ZMYM4: variants seen among roughly 807,000 people sequenced by gnomAD.
The protein encoded by ZMYM4 is zinc finger MYM-type protein 4.
ZMYM4 carries 31 observed loss-of-function variants against 183.2 expected under a neutral mutation model. The observed-to-expected ratio is 0.17, with a 90% CI of 0.13 to 0.23. ZMYM4 has a LOEUF of 0.23. Ranked by LOEUF, ZMYM4 falls within the 10% of genes least tolerant of loss-of-function variation. The pLI is 1.00. For synonymous variants in ZMYM4, 592 were observed against 631.2 expected (o/e 0.94, Z 0.93); for missense variants, 1,273 against 1,840.3 (o/e 0.69, Z 5.64).
At chr1:35,271,854 T>C (rs1056143458) in intron 1 of ZMYM4, among the ~76,000 whole-genome samples, 1 of 152,204 alleles carries the variant, frequency 6.6e-6, no homozygotes, top group Non-Finnish European at 1.5e-5. Context: ...GTCCTCGCTA[T>C]TCAGAGGTTG....
chr1:35,409,546 G>C (rs1473024368), intron 26 of ZMYM4, among the ~76,000 whole-genome samples: 1 of 151,446 alleles, frequency 6.6e-6, no homozygotes, highest in African/African-American at 2.4e-5. Flanking sequence ...ATCTTTTTGT[G>C]TACTTTTTGA....
intron 1 of ZMYM4, among the ~76,000 whole-genome samples, chr1:35,301,966 C>T (rs1449126040): frequency 6.6e-6 from 1 of 152,166 alleles, no homozygotes; most frequent in African/African-American, 2.4e-5. Flanking sequence ...TGCCTGTTCT[C>T]CAATGCCTGA....
rs550596273 is a variant in ZMYM4, at chr1:35,346,460, G to A, written c.86-12465G>A. ...GAGGTCAGGAGTTCGAGACCAGCTT[G>A]GCCAATGTGGTGAAACCCTGCCTGT... On this transcript the variant is annotated intron_variant, in intron 2 of 29. Coordinates refer to ENST00000314607, the MANE Select transcript of ZMYM4 (RefSeq NM_005095.3). Among the ~76,000 whole-genome samples, 3 of 152,114 alleles carry A rather than the reference G, an allele frequency of 2.0e-5. No individual in the cohort carries two copies. The East Asian group carries it at 5.8e-4, about 29-fold the overall frequency.
chr1:35,288,075 C>A (rs1196640809), intron 1 of ZMYM4, among the ~76,000 whole-genome samples: 1 of 152,150 alleles, frequency 6.6e-6, no homozygotes, highest in South Asian at 2.1e-4. Flanking sequence ...TTTGTTTCTT[C>A]CCTTTCCCTT....
chr1:35,285,175 G>T (rs531624085), intron 1 of ZMYM4, among the ~76,000 whole-genome samples: 2 of 151,620 alleles, frequency 1.3e-5, no homozygotes, highest in Non-Finnish European at 2.9e-5. Context: ...GAAATTTCAC[G>T]TGAAATTTAG....
intron 2 of ZMYM4, among the ~76,000 whole-genome samples, chr1:35,335,645 A>C (rs1230880716): frequency 6.6e-6 from 1 of 152,156 alleles, no homozygotes; most frequent in Non-Finnish European, 1.5e-5. Context: ...AACTATTTTA[A>C]ATTGTGGAAA....
At chr1:35,271,231 C>G (rs1208938931) in intron 1 of ZMYM4, among the ~76,000 whole-genome samples, 1 of 151,992 alleles carries the variant, frequency 6.6e-6, no homozygotes, top group Non-Finnish European at 1.5e-5. Context: ...CTAGGATGTT[C>G]TAGGATATTC....
intron 1 of ZMYM4, among the ~76,000 whole-genome samples, chr1:35,304,057 C>T (rs151248859): frequency 0.012 from 1,868 of 151,516 alleles, 47 homozygotes; most frequent in African/African-American, 0.041. Context: ...CGGAGTTTCG[C>T]GCTGTCGCCT....
chr1:35,287,472 A>G (rs1640559182), intron 1 of ZMYM4, among the ~76,000 whole-genome samples: 1 of 152,154 alleles, frequency 6.6e-6, no homozygotes, highest in Non-Finnish European at 1.5e-5. Context: ...TTGCTGTCAT[A>G]CAAATACTGC....
At position 35,350,295 on chromosome 1, in the gene ZMYM4, C is replaced by CT. The variant is rs150946737; in HGVS notation, c.86-8619dup. 9.3e-3 allele frequency among the ~76,000 whole-genome samples: 1,331 copies of CT among 143,242 alleles called. 23 individuals are homozygous for CT. Among genetic ancestry groups the CT allele is most frequent in the African/African-American group, 0.026 (1,019 of 39,530 alleles). The allele number at this position is 143,242 out of a possible 152,430, so 94.0% of individuals were successfully genotyped here. A position where few individuals can be genotyped will look rare whatever the true frequency, so the allele number is the denominator to read the frequency against. On this transcript the variant is annotated intron_variant, in intron 2 of 29. Coordinates refer to ENST00000314607, the MANE Select transcript of ZMYM4 (RefSeq NM_005095.3). ...ACCATGATTTCTAAAGTTGAAATTA[C>CT]TTTTTTTTTTTGAGACAGAGTCTTG...
At chr1:35,414,625 A>G (rs548221153) in intron 27 of ZMYM4, among the ~76,000 whole-genome samples, 3 of 152,344 alleles carry the variant, frequency 2.0e-5, no homozygotes, top group Non-Finnish European at 2.9e-5. Context: ...TTTGCAAACT[A>G]TGGTCCATGG....
At chr1:35,392,766 G>A (rs1029771584) in intron 17 of ZMYM4, 82 bp downstream of exon 17, 1 of 1,037,186 alleles carries the variant, frequency 9.6e-7, no homozygotes, top group African/African-American at 1.7e-5. Context: ...GAACTAATTT[G>A]CCCTCCTTCT....
chr1:35,357,354 A>T (rs905376005), intron 2 of ZMYM4, among the ~76,000 whole-genome samples: 3 of 152,238 alleles, frequency 2.0e-5, no homozygotes, highest in African/African-American at 4.8e-5. Flanking sequence ...AAATAAGAGC[A>T]AGGATGCCAG....
chr1:35,307,378 G>T (rs768676386), intron 1 of ZMYM4, among the ~76,000 whole-genome samples: 4 of 151,974 alleles, frequency 2.6e-5, no homozygotes, highest in Admixed American at 6.6e-5. Flanking sequence ...TTGGTACAGT[G>T]TCTGGCTGTG....
chr1:35,277,573 A>T (rs932700688), intron 1 of ZMYM4, among the ~76,000 whole-genome samples: 4 of 152,228 alleles, frequency 2.6e-5, no homozygotes, highest in Admixed American at 2.0e-4. Flanking sequence ...ATCCAAATGT[A>T]ATTTATTTTT....
intron 2 of ZMYM4, 37 bp downstream of exon 2, chr1:35,325,442 G>C: frequency 1.9e-6 from 3 of 1,578,296 alleles, no homozygotes; most frequent in Non-Finnish European, 2.6e-6. Context: ...CATGTCTTTA[G>C]ATAGAAAATG....
In ZMYM4 at chr1:35,405,361, T is replaced by C; in HGVS notation, c.3701-12T>C. Reference sequence around the variant, plus strand: ...TATTTAAACTTTTCTTTTATGTTTCTCTCCTTGTCAGGGGTTGAACAGGCC... The same window carrying C: ...TATTTAAACTTTTCTTTTATGTTTCCCTCCTTGTCAGGGGTTGAACAGGCC... On this transcript the variant is annotated splice_polypyrimidine_tract_variant and intron_variant, in intron 24 of 29. Coordinates refer to ENST00000314607, the MANE Select transcript of ZMYM4 (RefSeq NM_005095.3). 1.9e-6 allele frequency: 3 copies of C among 1,595,142 alleles called. No individual in the cohort carries two copies. Among genetic ancestry groups the C allele is most frequent in the Non-Finnish European group, 2.6e-6 (3 of 1,175,338 alleles).
chr1:35,370,268 A>G (rs2148933742), intron 6 of ZMYM4, 104 bp from the exon 7 acceptor site: 2 of 1,442,028 alleles, frequency 1.4e-6, no homozygotes, highest in South Asian at 3.0e-5. Context: ...TTTCAAGACT[A>G]GTTCTAGAAG....
chr1:35,378,743 C>T (rs1048322067), intron 7 of ZMYM4, among the ~76,000 whole-genome samples: 2 of 152,134 alleles, frequency 1.3e-5, no homozygotes, highest in African/African-American at 2.4e-5. Flanking sequence ...TAGATGGCAT[C>T]GTTTTTCAAT....
Sources: gnomAD v4.1 joint callset for allele counts (sites outside exome capture counted in the v4.1 genomes callset) on GRCh38, gnomAD v4.1.1 for gene constraint, MANE v1.5 for transcripts, NCBI Gene and HGNC (gene_info 2026-07-23, HGNC 2026-07-21) for gene names.